CALCRL: variants seen among roughly 807,000 people sequenced by gnomAD.
The protein encoded by CALCRL is calcitonin receptor like receptor.
CALCRL carries 27 observed loss-of-function variants against 60.4 expected under a neutral mutation model. The observed-to-expected ratio is 0.45, with a 90% CI of 0.33 to 0.62. The LOEUF (loss-of-function observed/expected upper bound fraction) is 0.62, where lower values mean the gene tolerates loss of function less well. Among genes scored for constraint, CALCRL ranks in the 20% least tolerant of loss-of-function variants. CALCRL has a pLI of 0.03. For synonymous variants in CALCRL, 190 were observed against 182.6 expected (o/e 1.04, Z -0.33); for missense variants, 424 against 540.7 (o/e 0.78, Z 2.14).
intron 1 of CALCRL, among the ~76,000 whole-genome samples, chr2:187,395,573 C>A (rs1285853168): frequency 6.6e-6 from 1 of 152,014 alleles, no homozygotes; most frequent in Non-Finnish European, 1.5e-5. Context: ...AAATTTGTTA[C>A]CTTACCCTAT....
chr2:187,421,431 A>G (rs1054001025), intron 1 of CALCRL, among the ~76,000 whole-genome samples: 21 of 152,278 alleles, frequency 1.4e-4, no homozygotes, highest in African/African-American at 5.1e-4. Context: ...AACTCTCTAA[A>G]GGGATGGTTT....
Position 187,343,336 on chromosome 2 carries a change from T to C in CALCRL, c.*2848A>G, listed in dbSNP as rs1553502193. On this transcript the variant is annotated 3_prime_UTR_variant, in exon 15 of 15. Transcript: ENST00000392370. ...TTAATATTTTCATACAATCAAAAAATAGAGATATACTCTAGGCATAACATA... is the reference window on the plus strand; with the variant it reads ...TTAATATTTTCATACAATCAAAAAACAGAGATATACTCTAGGCATAACATA... 2.0e-5 allele frequency: 3 copies of C among 151,858 alleles called. No individual in the cohort carries two copies. Among genetic ancestry groups the C allele is most frequent in the Non-Finnish European group, 4.4e-5 (3 of 67,554 alleles). The allele number at this position is 151,858 out of a possible 1,614,324, so 9.4% of individuals were successfully genotyped here.
At chr2:187,398,759 G>T (rs1391522926) in intron 1 of CALCRL, among the ~76,000 whole-genome samples, 2 of 151,568 alleles carry the variant, frequency 1.3e-5, no homozygotes, top group African/African-American at 2.4e-5. Flanking sequence ...TTCTGCTGGG[G>T]TTGCAAAGCA....
intron 1 of CALCRL, among the ~76,000 whole-genome samples, chr2:187,433,518 A>G (rs1690493720): frequency 6.6e-6 from 1 of 152,240 alleles, no homozygotes; most frequent in South Asian, 2.1e-4. Flanking sequence ...AATAGGCAAG[A>G]AGAAAGGACA....
intron 8 of CALCRL, among the ~76,000 whole-genome samples, chr2:187,377,809 CAT>C (rs1407032505): frequency 6.6e-6 from 1 of 151,758 alleles, no homozygotes; most frequent in Non-Finnish European, 1.5e-5. Context: ...TGTTCAGTAA[CAT>C]ATAAAGTGCT....
chr2:187,347,417 T>C (rs1194974512), intron 14 of CALCRL, among the ~76,000 whole-genome samples: 1 of 151,864 alleles, frequency 6.6e-6, no homozygotes, highest in Non-Finnish European at 1.5e-5. Context: ...TCTTTGGCTC[T>C]TTCAGTGCTT....
At chr2:187,418,567 T>C (rs145881955) in intron 1 of CALCRL, among the ~76,000 whole-genome samples, 4 of 152,276 alleles carry the variant, frequency 2.6e-5, no homozygotes, top group Admixed American at 6.5e-5. Flanking sequence ...CCTAAGGGTA[T>C]AGGTCAAGGT....
intron 8 of CALCRL, among the ~76,000 whole-genome samples, chr2:187,371,406 T>G (rs1574238401): frequency 6.6e-6 from 1 of 151,976 alleles, no homozygotes; most frequent in Non-Finnish European, 1.5e-5. Flanking sequence ...CAGTGACAGG[T>G]ATGCTGTTCA....
In CALCRL at chr2:187,387,694, C is replaced by T. The variant is rs1220380753; in HGVS notation, c.-230G>A. 7.6e-6 allele frequency: 3 copies of T among 397,056 alleles called. No individual in the cohort carries two copies. The highest frequency in any genetic ancestry group is 8.8e-5 in the Admixed American group (2 of 22,682). The allele number at this position is 397,056 out of a possible 1,614,324, so 24.6% of individuals were successfully genotyped here. A position where few individuals can be genotyped will look rare whatever the true frequency, so the allele number is the denominator to read the frequency against. On this transcript the variant is annotated 5_prime_UTR_variant, in exon 2 of 15. The change creates a new upstream start codon in the 5' untranslated region. Transcript: ENST00000392370. ...CACAATTGTCTCCAGTCTCAAATCACATTTTCTCTTGGATCATATTTGACA... is the reference window on the plus strand; with the variant it reads ...CACAATTGTCTCCAGTCTCAAATCATATTTTCTCTTGGATCATATTTGACA...
At chr2:187,357,234 G>A (rs1175863073) in intron 12 of CALCRL, among the ~76,000 whole-genome samples, 1 of 152,012 alleles carries the variant, frequency 6.6e-6, no homozygotes, top group East Asian at 1.9e-4. Context: ...ATTCACAATA[G>A]CAAAGACTTG....
chr2:187,396,828 TAC>T (rs1395401598), intron 1 of CALCRL, among the ~76,000 whole-genome samples: 8 of 151,870 alleles, frequency 5.3e-5, no homozygotes, highest in East Asian at 1.9e-4. Context: ...TGGTTAATGA[TAC>T]AGTTTTTCTT....
intron 1 of CALCRL, among the ~76,000 whole-genome samples, chr2:187,418,863 T>C (rs1019001386): frequency 2.7e-5 from 4 of 147,796 alleles, no homozygotes; most frequent in South Asian, 2.1e-4. Flanking sequence ...TTTTTTCTTT[T>C]TTTTTTTTTT....
intron 1 of CALCRL, among the ~76,000 whole-genome samples, chr2:187,411,119 C>T (rs1432420039): frequency 4.6e-5 from 7 of 151,948 alleles, no homozygotes; most frequent in African/African-American, 1.2e-4. Context: ...TTAAATGGTA[C>T]CCTTTTTACT....
intron 7 of CALCRL, 147 bp from the exon 8 acceptor site, chr2:187,379,178 A>G (rs1342293898): frequency 8.7e-6 from 4 of 459,768 alleles, no homozygotes; most frequent in East Asian, 3.1e-5. Context: ...GAGTTTACAA[A>G]CCAATAAATA....
intron 14 of CALCRL, among the ~76,000 whole-genome samples, chr2:187,350,763 T>C (rs1686494716): frequency 6.6e-6 from 1 of 151,674 alleles, no homozygotes; most frequent in Non-Finnish European, 1.5e-5. Context: ...TAGGAATGGT[T>C]GTCATAGGTT....
At chr2:187,415,508 A>G (rs1357553705) in intron 1 of CALCRL, 3 of 352,182 alleles carry the variant, frequency 8.5e-6, no homozygotes, top group Admixed American at 4.7e-5. Context: ...GAAATGTTAT[A>G]TAAACTTTTG....
intron 1 of CALCRL, among the ~76,000 whole-genome samples, chr2:187,424,883 C>T (rs1690050774): frequency 6.6e-6 from 1 of 151,756 alleles, no homozygotes; most frequent in South Asian, 2.1e-4. Context: ...TAAGGAAGGC[C>T]TGGGAGACAA....
intron 1 of CALCRL, among the ~76,000 whole-genome samples, chr2:187,430,178 T>C (rs1690340537): frequency 6.6e-6 from 1 of 152,166 alleles, no homozygotes. Context: ...AAATGAAATG[T>C]GCAAAGGAAG....
intron 14 of CALCRL, among the ~76,000 whole-genome samples, chr2:187,350,948 T>C (rs2105694613): frequency 6.6e-6 from 1 of 151,800 alleles, no homozygotes; most frequent in South Asian, 2.1e-4. Context: ...AAGAGCTAAG[T>C]CAATAGAGCT....
Sources: allele counts gnomAD v4.1 joint callset (sites outside exome capture counted in the v4.1 genomes callset), GRCh38; gene constraint gnomAD v4.1.1; transcripts MANE v1.5; gene names NCBI Gene and HGNC (gene_info 2026-07-23, HGNC 2026-07-21).